PDE1C: variants seen among roughly 807,000 people sequenced by gnomAD.
The protein encoded by PDE1C is dual specificity calcium/calmodulin-dependent 3',5'-cyclic nucleotide phosphodiesterase 1C.
In PDE1C, 62 loss-of-function variants were observed where a neutral mutation model predicts 93.1. The observed-to-expected ratio is 0.67, with a 90% CI of 0.54 to 0.82. The LOEUF (loss-of-function observed/expected upper bound fraction) is 0.82. Among genes scored for constraint, PDE1C ranks in the 40% least tolerant of loss-of-function variants. The pLI, the probability that PDE1C is intolerant of heterozygous loss-of-function variation, is 0.00. For synonymous variants in PDE1C, 325 were observed against 310.1 expected (o/e 1.05, Z -0.50); for missense variants, 742 against 884.6 (o/e 0.84, Z 2.04).
At chr7:31,833,007 T>G (rs187917006) in intron 11 of PDE1C, among the ~76,000 whole-genome samples, 56 of 152,304 alleles carry the variant, frequency 3.7e-4, no homozygotes, top group African/African-American at 1.1e-3. Context: ...AATCTCATCT[T>G]AAATTGTAGC....
intron 2 of PDE1C, among the ~76,000 whole-genome samples, chr7:32,191,737 C>T (rs1804246263): frequency 6.6e-6 from 1 of 152,134 alleles, no homozygotes; most frequent in Admixed American, 6.5e-5. Context: ...AAATGCCCAA[C>T]AGTGCAATTG....
intron 1 of PDE1C, among the ~76,000 whole-genome samples, chr7:32,316,211 A>G (rs887413510): frequency 6.6e-6 from 1 of 152,198 alleles, no homozygotes; most frequent in Non-Finnish European, 1.5e-5. Flanking sequence ...GAATACATGA[A>G]TATTCTATTT....
chr7:31,990,286 T>G (rs538322508), intron 2 of PDE1C, among the ~76,000 whole-genome samples: 6 of 152,300 alleles, frequency 3.9e-5, no homozygotes, highest in African/African-American at 1.4e-4. Flanking sequence ...ATAAGTCTTA[T>G]GAGATCTGAT....
At position 31,780,803 on chromosome 7, in the gene PDE1C, TTGTGTGTGTGTGTGTGTGTGTGTG is replaced by T. The variant is rs55970947; in HGVS notation, c.1892-5095_1892-5072del. On this transcript the variant is annotated intron_variant, in intron 16 of 17. Transcript: ENST00000396191. ...CATGCGTGTGTGTGCACGTGTGCAT[TTGTGTGTGTGTGTGTGTGTGTGTG>T]TGTGTGTGTGTGTGTGTCTAAGTAG... is the stretch of plus-strand genomic sequence containing the variant. 2.0e-3 allele frequency among the ~76,000 whole-genome samples: 298 copies of T among 149,722 alleles called. 1 individual carries two copies. Among genetic ancestry groups the T allele is most frequent in the African/African-American group, 7.0e-3 (286 of 40,804 alleles).
intron 2 of PDE1C, among the ~76,000 whole-genome samples, chr7:31,927,113 G>A: frequency 6.6e-6 from 1 of 152,178 alleles, no homozygotes; most frequent in East Asian, 1.9e-4. Flanking sequence ...TGGGACGATT[G>A]AGCTTGGTGT....
At chr7:31,837,349 C>A in intron 10 of PDE1C, 49 bp from the exon 11 acceptor site, 2 of 1,505,538 alleles carry the variant, frequency 1.3e-6, no homozygotes, top group South Asian at 1.3e-5. Flanking sequence ...TCTTCAGAAC[C>A]TCAGTAAGAG....
intron 2 of PDE1C, among the ~76,000 whole-genome samples, chr7:32,031,861 G>A (rs945482466): frequency 1.3e-5 from 2 of 152,164 alleles, no homozygotes; most frequent in African/African-American, 4.8e-5. Context: ...CAAGGAGACT[G>A]TGTCCAGACG....
intron 2 of PDE1C, among the ~76,000 whole-genome samples, chr7:31,978,070 G>C (rs997822955): frequency 3.3e-5 from 5 of 152,124 alleles, no homozygotes; most frequent in Admixed American, 2.6e-4. Context: ...ATCATTCGCA[G>C]AGCCAGGGTT....
At chr7:32,168,575 A>G (rs1241885876) in intron 3 of PDE1C, among the ~76,000 whole-genome samples, 1 of 152,208 alleles carries the variant, frequency 6.6e-6, no homozygotes, top group Non-Finnish European at 1.5e-5. Flanking sequence ...CTCTTTCACC[A>G]CAGTCACTTG....
chr7:31,738,213 G>C, the PDE1C span, among the ~76,000 whole-genome samples: 2 of 152,156 alleles, frequency 1.3e-5, no homozygotes, highest in South Asian at 2.1e-4. Flanking sequence ...AATCTCAATG[G>C]AATCAGGGTG....
chr7:31,899,430 C>T (rs1799706662), intron 2 of PDE1C, among the ~76,000 whole-genome samples: 1 of 152,120 alleles, frequency 6.6e-6, no homozygotes, highest in Non-Finnish European at 1.5e-5. Context: ...AAGTAAGCCA[C>T]TGCGCCCGGC....
At chr7:32,338,633 A>G (rs570272423) in intron 1 of PDE1C, among the ~76,000 whole-genome samples, 10 of 152,218 alleles carry the variant, frequency 6.6e-5, no homozygotes, top group Non-Finnish European at 1.5e-4. Flanking sequence ...ACTTCTGGGT[A>G]TGTATCCAAA....
chr7:31,925,979 C>G (rs1344133785), intron 2 of PDE1C, among the ~76,000 whole-genome samples: 1 of 152,086 alleles, frequency 6.6e-6, no homozygotes, highest in African/African-American at 2.4e-5. Flanking sequence ...CTCTTCCTGC[C>G]CACCCCAACC....
At chr7:32,036,634 T>C (rs890559454) in intron 2 of PDE1C, among the ~76,000 whole-genome samples, 15 of 152,254 alleles carry the variant, frequency 9.9e-5, no homozygotes, top group African/African-American at 3.6e-4. Flanking sequence ...AAAAGAGATA[T>C]TGCAGATCTT....
chr7:32,081,935 G>A (rs1364893097), intron 3 of PDE1C, among the ~76,000 whole-genome samples: 11 of 152,154 alleles, frequency 7.2e-5, no homozygotes, highest in South Asian at 2.1e-4. Flanking sequence ...AGTGAGCGAC[G>A]CAGAAGATGG....
At chr7:32,132,216 C>T (rs960423472) in intron 3 of PDE1C, among the ~76,000 whole-genome samples, 4 of 152,022 alleles carry the variant, frequency 2.6e-5, no homozygotes, top group African/African-American at 9.7e-5. Flanking sequence ...AGAGCTGGAG[C>T]CCAGTGAGCA....
chr7:31,887,935 C>G (rs1798156262), intron 2 of PDE1C, among the ~76,000 whole-genome samples: 1 of 152,018 alleles, frequency 6.6e-6, no homozygotes, highest in South Asian at 2.1e-4. Context: ...GCAGCTAAAG[C>G]AGTGTTTAGA....
At chr7:31,680,708 C>A in the PDE1C span, among the ~76,000 whole-genome samples, 2 of 35,410 alleles carry the variant, frequency 5.6e-5, no homozygotes, top group Admixed American at 5.9e-4. Context: ...CACAGTGACA[C>A]TTAGGGACCT....
the PDE1C span, chr7:31,642,227 T>C: frequency 6.4e-7 from 1 of 1,558,320 alleles, no homozygotes; most frequent in African/African-American, 1.4e-5. Context: ...AGCGGGTTCC[T>C]GGAGGAGCCG....
Sources: gnomAD v4.1 joint callset for allele counts (sites outside exome capture counted in the v4.1 genomes callset) on GRCh38, gnomAD v4.1.1 for gene constraint, MANE v1.5 for transcripts, NCBI Gene and HGNC (gene_info 2026-07-23, HGNC 2026-07-21) for gene names.